LPIN1: variants seen among roughly 807,000 people sequenced by gnomAD.
The protein encoded by LPIN1 is lipin 1.
LPIN1 carries 71 observed loss-of-function variants against 107.5 expected under a neutral mutation model. The ratio of observed to expected loss-of-function variants is 0.66; its 90% CI spans 0.55 to 0.80. The LOEUF (loss-of-function observed/expected upper bound fraction) is 0.80. Ranked by LOEUF, LPIN1 falls within the 30% of genes least tolerant of loss-of-function variation. The pLI is 0.00. For missense variants in LPIN1, 1,043 were observed against 1,160.6 expected, an observed-to-expected ratio of 0.90 and a Z score of 1.47; for synonymous variants, 445 against 452.6, an observed-to-expected ratio of 0.98 and a Z score of 0.21.
intron 1 of LPIN1, among the ~76,000 whole-genome samples, chr2:11,757,874 T>C (rs1668922432): frequency 6.6e-6 from 1 of 152,248 alleles, no homozygotes; most frequent in Non-Finnish European, 1.5e-5. Flanking sequence ...TTTAAGTGTG[T>C]GGTTCAGTGG....
At chr2:11,792,293 G>T (rs1414975557) in intron 13 of LPIN1, 2 of 311,526 alleles carry the variant, frequency 6.4e-6, no homozygotes, top group African/African-American at 4.2e-5. Context: ...TAAAAGAAGG[G>T]ATTCAGCCTG....
chr2:11,768,060 C>T (rs1051308494), intron 3 of LPIN1, among the ~76,000 whole-genome samples: 2 of 152,144 alleles, frequency 1.3e-5, no homozygotes, highest in Non-Finnish European at 2.9e-5. Flanking sequence ...AGACTCAGCT[C>T]TCCTGGCTGG....
intron 1 of LPIN1, among the ~76,000 whole-genome samples, chr2:11,747,331 T>C (rs1022098432): frequency 6.6e-6 from 1 of 152,212 alleles, no homozygotes; most frequent in Admixed American, 6.5e-5. Flanking sequence ...TGCACGTAAT[T>C]TTATTATGGG....
At chr2:11,784,730 C>T (rs555231305) in intron 9 of LPIN1, 156 bp from the exon 10 acceptor site, 4 of 761,386 alleles carry the variant, frequency 5.3e-6, no homozygotes, top group East Asian at 2.6e-5. Context: ...TTTAATGTCT[C>T]TTTCCTTGTC....
chr2:11,681,098 T>C (rs971823238), intron 1 of LPIN1, among the ~76,000 whole-genome samples: 1 of 152,152 alleles, frequency 6.6e-6, no homozygotes, highest in Non-Finnish European at 1.5e-5. Context: ...ACTGAATCCC[T>C]CTACACTGGC....
At chr2:11,749,551 G>A (rs1219388816) in intron 1 of LPIN1, among the ~76,000 whole-genome samples, 1 of 152,170 alleles carries the variant, frequency 6.6e-6, no homozygotes, top group Non-Finnish European at 1.5e-5. Flanking sequence ...GTGCAGCCAG[G>A]GATATGTTGA....
chr2:11,693,202 CA>C (rs1176988939), intron 1 of LPIN1, among the ~76,000 whole-genome samples: 19 of 132,236 alleles, frequency 1.4e-4, no homozygotes, highest in African/African-American at 7.7e-4. Flanking sequence ...ACCTGAACAA[CA>C]TTTTTTTTTT....
At chr2:11,696,468 G>C (rs186419631) in intron 1 of LPIN1, among the ~76,000 whole-genome samples, 9 of 152,162 alleles carry the variant, frequency 5.9e-5, no homozygotes, top group Admixed American at 5.9e-4. Context: ...GGTACATATA[G>C]TCTATATATT....
rs775242840 is a variant in LPIN1, at chr2:11,804,500, T to G, written c.2091T>G (p.Cys697Trp). Residue 697 changes from cysteine to tryptophan, a missense_variant, in exon 16 of 21, where the codon TGT (cysteine) becomes TGG (tryptophan). Physicochemically the swap from Cys to Trp is radical, Grantham distance 215 (BLOSUM62 -2). Transcript: ENST00000674199. The stretch of plus-strand genomic sequence containing the variant: ...CGCAGTACCAAGGCACGTGCCGCTG[T>G]GAGGGCACCATCTATCTGTGGAACT... ...VTTQYQGTCR[C>W]EGTIYLWNWD... The G allele has an allele frequency of 1.2e-6, 2 of 1,614,164 alleles. No homozygotes were observed. The highest frequency in any genetic ancestry group is 1.7e-6 in the Non-Finnish European group (2 of 1,180,010).
At chr2:11,704,707 G>A (rs1466585944) in intron 1 of LPIN1, among the ~76,000 whole-genome samples, 1 of 152,172 alleles carries the variant, frequency 6.6e-6, no homozygotes, top group African/African-American at 2.4e-5. Flanking sequence ...AAGACAAGGG[G>A]GTAAATGTCT....
intron 1 of LPIN1, among the ~76,000 whole-genome samples, chr2:11,679,144 A>G (rs1004475325): frequency 6.6e-6 from 1 of 152,156 alleles, no homozygotes; most frequent in African/African-American, 2.4e-5. Context: ...TTATCATGGC[A>G]TCTCTCTCAC....
At position 11,792,003 on chromosome 2, in the gene LPIN1, G is replaced by T; in HGVS notation, c.1803G>T (p.Lys601Asn). The T allele has an allele frequency of 6.2e-7, 1 of 1,613,514 alleles. No individual in the cohort carries two copies. The highest frequency in any genetic ancestry group is 8.5e-7 in the Non-Finnish European group (1 of 1,179,578). ...FSWRGRNTTI[K>N]EESKPEQCLA... ...GGAGGGGAAGAAACACCACAATCAA[G>T]GAGGTAAGCCCAGAAGACAAAGCAG... Residue 601 changes from lysine to asparagine, a missense_variant, in exon 13 of 21, where the codon AAG becomes AAT. Physicochemically the swap from Lys to Asn is moderately conservative, Grantham distance 94. Coordinates refer to ENST00000674199, the MANE Select transcript of LPIN1 (RefSeq NM_001349206.2).
intron 1 of LPIN1, among the ~76,000 whole-genome samples, chr2:11,727,511 G>A (rs1292005468): frequency 1.3e-5 from 2 of 152,092 alleles, no homozygotes; most frequent in Non-Finnish European, 2.9e-5. Context: ...AAACCAAGAC[G>A]TGGGGTGCTT....
chr2:11,679,251 G>A (rs917984728), intron 1 of LPIN1, among the ~76,000 whole-genome samples: 1 of 152,226 alleles, frequency 6.6e-6, no homozygotes, highest in Non-Finnish European at 1.5e-5. Context: ...AGCACCTTGG[G>A]AGGGGAGTGG....
rs1674699843 is a variant in LPIN1 at position 11,786,960 on chromosome 2, T to G, written c.1550-114T>G. ...CATTTTATAGGATTGTCTGCACAGT[T>G]GGAATGCACAAACTCTCAGAAAACA... On this transcript the variant is annotated intron_variant, in intron 10 of 20. Coordinates refer to ENST00000674199, the MANE Select transcript of LPIN1 (RefSeq NM_001349206.2). The surrounding 1 kb of genome is among the most constrained non-coding windows in gnomAD (Gnocchi z 4.1). The G allele has an allele frequency of 2.6e-6, 2 of 763,776 alleles. No individual in the cohort carries two copies. Among genetic ancestry groups the G allele is most frequent in the Middle Eastern group, 4.5e-4 (2 of 4,454 alleles). 47.3% of individuals were successfully genotyped at this position (763,776 alleles called of 1,614,324 possible).
intron 12 of LPIN1, among the ~76,000 whole-genome samples, chr2:11,790,836 A>G (rs1044588690): frequency 6.6e-6 from 1 of 152,228 alleles, no homozygotes; most frequent in Non-Finnish European, 1.5e-5. Context: ...TTTAATACCC[A>G]GTAGTGCTTG....
At chr2:11,759,145 C>CTTTCT (rs1553418444) in intron 1 of LPIN1, among the ~76,000 whole-genome samples, 9 of 130,060 alleles carry the variant, frequency 6.9e-5, no homozygotes, top group African/African-American at 2.8e-4. Flanking sequence ...TTCTTTCTTT[C>CTTTCT]TTTCTTTCTT....
chr2:11,726,176 G>T (rs1664632024), intron 1 of LPIN1, among the ~76,000 whole-genome samples: 1 of 152,198 alleles, frequency 6.6e-6, no homozygotes, highest in Non-Finnish European at 1.5e-5. Flanking sequence ...CCCGGCATAT[G>T]AAATGTCCGC....
intron 1 of LPIN1, among the ~76,000 whole-genome samples, chr2:11,699,448 G>A (rs934869469): frequency 2.0e-5 from 3 of 152,006 alleles, no homozygotes; most frequent in Admixed American, 6.6e-5. Flanking sequence ...TGGGGGGGGC[G>A]TGCGGAAGAA....
Sources: gnomAD v4.1 joint callset for allele counts (sites outside exome capture counted in the v4.1 genomes callset) on GRCh38, gnomAD v4.1.1 for gene constraint, Gnocchi (gnomAD v3.1) non-coding constraint, MANE v1.5 for transcripts, NCBI Gene and HGNC (gene_info 2026-07-23, HGNC 2026-07-21) for gene names.